Variants in RAPSN observed in about 807,000 individuals in gnomAD.
RAPSN encodes 43 kDa receptor-associated protein of the synapse.
RAPSN carries 33 observed loss-of-function variants against 45.7 expected under a neutral mutation model. The observed-to-expected ratio is 0.72, with a 90% confidence interval of 0.55 to 0.97. The LOEUF (loss-of-function observed/expected upper bound fraction) is 0.97. RAPSN is among the 50% of genes least tolerant of loss of function. The pLI is 0.00. For synonymous variants in RAPSN, 244 were observed against 233.6 expected (o/e 1.04, Z -0.40); for missense variants, 519 against 559.4 (o/e 0.93, Z 0.73).
At chr11:47,439,192 G>A (rs1383520623) in intron 6 of RAPSN, among the ~76,000 whole-genome samples, 3 of 152,188 alleles carry the variant, frequency 2.0e-5, no homozygotes, top group South Asian at 2.1e-4. Context: ...AATAATTTGC[G>A]GCAGGGCGCC....
chr11:47,438,362 G>A (rs1427421158), intron 7 of RAPSN: 1 of 571,094 alleles, frequency 1.8e-6, no homozygotes, highest in African/African-American at 1.9e-5. Flanking sequence ...CTCCTCTTTG[G>A]GGATTATGAA....
intron 6 of RAPSN, among the ~76,000 whole-genome samples, chr11:47,439,474 C>CA (rs11364389): frequency 6.6e-6 from 1 of 151,290 alleles, no homozygotes; most frequent in East Asian, 1.9e-4. Flanking sequence ...AACTCCGTCT[C>CA]AAAAAAAAAT....
chr11:47,449,075 A>C lies in RAPSN; in HGVS notation c.-111T>G. Reference sequence around the variant, plus strand: ...GCTGCCCCCCGAAACGTGGGAACAAAAGCAGCGTCGGGTGGGAGCCGGAAT... The same window carrying C: ...GCTGCCCCCCGAAACGTGGGAACAACAGCAGCGTCGGGTGGGAGCCGGAAT... On this transcript the variant is annotated 5_prime_UTR_variant, in exon 1 of 8. Transcript: ENST00000298854. The C allele has an allele frequency of 7.4e-7, 1 of 1,353,964 alleles. No homozygotes were observed. The highest frequency in any genetic ancestry group is 1.0e-6 in the Non-Finnish European group (1 of 956,640). The allele number at this position is 1,353,964 out of a possible 1,614,324, so 83.9% of individuals were successfully genotyped here.
At position 47,449,086 on chromosome 11, in the gene RAPSN, G is replaced by C; in HGVS notation, c.-122C>G. ...AAACGTGGGAACAAAAGCAGCGTCG[G>C]GTGGGAGCCGGAATGGGGCCTGGAT... is the stretch of plus-strand genomic sequence containing the variant. On this transcript the variant is annotated 5_prime_UTR_variant, in exon 1 of 8. Transcript: ENST00000298854. 8.2e-7 allele frequency: 1 copy of C among 1,217,336 alleles called. No individual in the cohort carries two copies. Among genetic ancestry groups the C allele is most frequent in the Non-Finnish European group, 1.2e-6 (1 of 841,702 alleles). The allele number at this position is 1,217,336 out of a possible 1,614,324, so 75.4% of individuals were successfully genotyped here. A position where few individuals can be genotyped will look rare whatever the true frequency, so the allele number is the denominator to read the frequency against.
chr11:47,445,156 G>A (rs1177616143), intron 2 of RAPSN, among the ~76,000 whole-genome samples: 8 of 151,764 alleles, frequency 5.3e-5, no homozygotes, highest in Non-Finnish European at 8.8e-5. Flanking sequence ...GCGTGAACCC[G>A]GGAGGCGGAG....
At chr11:47,442,515 C>T (rs2153308986) in intron 3 of RAPSN, 141 bp downstream of exon 3, 1 of 916,956 alleles carries the variant, frequency 1.1e-6, no homozygotes, top group Admixed American at 2.7e-5. Flanking sequence ...GTGGTGCACG[C>T]CTTTAGAGAG....
chr11:47,446,265 C>T (rs1009847614), intron 2 of RAPSN, among the ~76,000 whole-genome samples: 4 of 151,964 alleles, frequency 2.6e-5, no homozygotes, highest in Non-Finnish European at 5.9e-5. Flanking sequence ...GTCTGGAACT[C>T]CTGGTCTTGA....
intron 6 of RAPSN, among the ~76,000 whole-genome samples, chr11:47,439,196 G>C (rs2076342474): frequency 6.6e-6 from 1 of 152,210 alleles, no homozygotes; most frequent in African/African-American, 2.4e-5. Context: ...ATTTGCGGCA[G>C]GGCGCCGTGG....
chr11:47,440,385 C>T (rs981601546), intron 6 of RAPSN, among the ~76,000 whole-genome samples: 4 of 152,154 alleles, frequency 2.6e-5, no homozygotes, highest in African/African-American at 9.7e-5. Context: ...TCAAGCTATC[C>T]TCCCACCTCA....
intron 3 of RAPSN, 114 bp downstream of exon 3, chr11:47,442,542 G>T: frequency 7.9e-7 from 1 of 1,266,600 alleles, no homozygotes; most frequent in Non-Finnish European, 1.1e-6. Flanking sequence ...CCAGAGGCAA[G>T]CCCTAGGGGG....
chr11:47,446,819 C>T (rs868512406), intron 2 of RAPSN, among the ~76,000 whole-genome samples: 1 of 152,158 alleles, frequency 6.6e-6, no homozygotes, highest in East Asian at 1.9e-4. Flanking sequence ...GCAGGAGAAT[C>T]GCTTGAACCC....
At chr11:47,448,229 A>G in intron 1 of RAPSN, 79 bp from the exon 2 acceptor site, 3 of 1,455,280 alleles carry the variant, frequency 2.1e-6, no homozygotes, top group Non-Finnish European at 2.8e-6. Flanking sequence ...GCAGGCTCAG[A>G]CCTGGAGGCC....
intron 6 of RAPSN, among the ~76,000 whole-genome samples, 176 bp from the exon 7 acceptor site, chr11:47,439,107 T>C (rs942503698): frequency 1.3e-5 from 2 of 152,160 alleles, no homozygotes; most frequent in African/African-American, 4.8e-5. Flanking sequence ...ATCAGAAGAC[T>C]TCACCCCCCA....
intron 7 of RAPSN, chr11:47,438,491 T>A: frequency 1.7e-6 from 1 of 573,712 alleles, no homozygotes; most frequent in Non-Finnish European, 3.1e-6. Context: ...CCTGGGTAAT[T>A]TTTGTATTTT....
intron 2 of RAPSN, 32 bp from the exon 3 acceptor site, chr11:47,442,846 C>A: frequency 6.2e-7 from 1 of 1,611,920 alleles, no homozygotes; most frequent in East Asian, 2.2e-5. Context: ...AGGAGGCAAA[C>A]TGAGTGGCAG....
At chr11:47,441,272 G>C in intron 5 of RAPSN, 60 bp from the exon 6 acceptor site, 1 of 1,598,592 alleles carries the variant, frequency 6.3e-7, no homozygotes, top group Non-Finnish European at 8.5e-7. Flanking sequence ...CTTGCTCACA[G>C]GGAAGCACAG....
chr11:47,448,799 T>C lies in RAPSN; in HGVS notation c.166A>G (p.Met56Val). ...TTCAGCATCTCCTTGTAGCGGCCCA[T>C]CTCCGAGTGGGCTGTGACCAGGCAG... ...LGCLVTAHSEMGRYKEMLKFA... is the reference protein window; with the variant it reads ...LGCLVTAHSEVGRYKEMLKFA... The change falls in exon 1 of 8, where the codon ATG (methionine) becomes GTG (valine). Residue 56 changes from methionine (M) to valine (V), a missense_variant. Met to Val is a conservative substitution (Grantham distance 21, BLOSUM62 1). Coordinates refer to ENST00000298854, the MANE Select transcript of RAPSN (RefSeq NM_005055.5). 1 of 1,612,390 alleles carries C rather than the reference T, an allele frequency of 6.2e-7. No individual in the cohort carries two copies. The highest frequency in any genetic ancestry group is 1.1e-5 in the South Asian group (1 of 91,086).
Position 47,441,659 on chromosome 11 carries a change from C to A in RAPSN, c.864G>T (p.Ala288=), listed in dbSNP as rs147966227. 1.9e-6 allele frequency: 3 copies of A among 1,609,508 alleles called. No homozygotes were observed. Among genetic ancestry groups the A allele is most frequent in the African/African-American group, 2.7e-5 (2 of 74,932 alleles). ...EIGNRLGQVQ[A]LLGVAKCWVA... is the part of the protein sequence containing the mutation. Reference sequence around the variant, plus strand: ...CCCAGCACTTGGCCACACCCAGCAGCGCCTGCACCTGCCCCAGGCGGTTTC... The same window carrying A: ...CCCAGCACTTGGCCACACCCAGCAGAGCCTGCACCTGCCCCAGGCGGTTTC... Residue 288 remains alanine, a synonymous_variant, in exon 5 of 8, where the codon GCG becomes GCT. Transcript: ENST00000298854.
intron 6 of RAPSN, among the ~76,000 whole-genome samples, 163 bp downstream of exon 6, chr11:47,440,996 T>C (rs2076357601): frequency 6.6e-6 from 1 of 152,132 alleles, no homozygotes; most frequent in African/African-American, 2.4e-5. Flanking sequence ...AGAAGTGCTG[T>C]GTGTGTGGCA....
Sources: gnomAD v4.1 joint callset for allele counts (sites outside exome capture counted in the v4.1 genomes callset) on GRCh38, gnomAD v4.1.1 for gene constraint, MANE v1.5 for transcripts, NCBI Gene and HGNC (gene_info 2026-07-23, HGNC 2026-07-21) for gene names.